Variants in DNMBP observed in about 807,000 individuals in gnomAD.
DNMBP encodes the protein dynamin binding protein.
Under a neutral mutation model 150.0 loss-of-function variants are expected in DNMBP, and 87 were observed. The ratio of observed to expected loss-of-function variants is 0.58; its 90% CI spans 0.49 to 0.69. The LOEUF (loss-of-function observed/expected upper bound fraction) is 0.69, where lower values mean the gene tolerates loss of function less well. Among genes scored for constraint, DNMBP ranks in the 30% least tolerant of loss-of-function variants. DNMBP has a pLI of 0.00. For missense variants in DNMBP, 1,774 were observed against 1,949.0 expected, an observed-to-expected ratio of 0.91 and a Z score of 1.69; for synonymous variants, 711 against 750.4, an observed-to-expected ratio of 0.95 and a Z score of 0.86.
In DNMBP at chr10:99,886,395, C is replaced by A; in HGVS notation, c.3523G>T (p.Ala1175Ser). The change falls in exon 13 of 17, where the codon GCC becomes TCC. Residue 1175 changes from alanine (A) to serine (S), a missense_variant. Ala to Ser is a moderately conservative substitution (Grantham distance 99, BLOSUM62 1). Around this residue, in one of 2 missense-constraint regions of DNMBP, gnomAD observed 1,430 missense variants for 1,492.5 expected, o/e 0.96. Coordinates refer to ENST00000324109, the MANE Select transcript of DNMBP (RefSeq NM_015221.4). ...ACACAGTTGGTGAAGAGGCCCTGGGCGTACTGGTGGAACTTGGGCAGCTCA... is the reference window on the plus strand; with the variant it reads ...ACACAGTTGGTGAAGAGGCCCTGGGAGTACTGGTGGAACTTGGGCAGCTCA... ...LDELPKFHQY[A>S]QGLFTNCVHG... The A allele has an allele frequency of 6.2e-7, 1 of 1,614,134 alleles. No individual in the cohort carries two copies.
intron 4 of DNMBP, among the ~76,000 whole-genome samples, chr10:99,943,300 A>AC (rs1409331143): frequency 2.0e-5 from 3 of 150,288 alleles, no homozygotes; most frequent in African/African-American, 7.3e-5. Context: ...AAAACCAACA[A>AC]AAAAAAAAAA....
rs373034777 is a variant in DNMBP at position 99,906,596 on chromosome 10, G to A, written c.2554+1399C>T. On this transcript the variant is annotated intron_variant, in intron 6 of 16. Transcript: ENST00000324109. ...CGTGCTCTCTCTCATTCTGTCTCTC[G>A]CTCTCTCTCACAGGTCACTCTAGGT... Among the ~76,000 whole-genome samples the A allele has an allele frequency of 1.4e-4, 22 of 152,122 alleles. No homozygotes were observed. The South Asian group carries it at 3.7e-3, about 26-fold the overall frequency.
At position 99,956,383 on chromosome 10, in the gene DNMBP, A is replaced by T. The variant is rs749677384; in HGVS notation, c.1091T>A (p.Leu364Gln). 36 of 1,613,952 alleles carry T rather than the reference A, an allele frequency of 2.2e-5. No individual in the cohort carries two copies. Among genetic ancestry groups the T allele is most frequent in the Non-Finnish European group, 3.0e-5 (35 of 1,180,026 alleles). Residue 364 changes from leucine to glutamine, a missense_variant, in exon 4 of 17, where the codon CTG becomes CAG. Coordinates refer to ENST00000324109, the MANE Select transcript of DNMBP (RefSeq NM_015221.4). ...TCTGTCTGTGTCATACTCTGAAGTC[A>T]GATGACCGAGGGGAGAAGTGGGTGC... ...SEAPTSPLGH[L>Q]TSEYDTDRNS...
intron 3 of DNMBP, among the ~76,000 whole-genome samples, chr10:99,963,833 G>C (rs2040589050): frequency 6.6e-6 from 1 of 151,268 alleles, no homozygotes; most frequent in Admixed American, 6.6e-5. Context: ...GGGGAACTAT[G>C]TGCTTTATGC....
chr10:99,971,947 G>A (rs1394535303), intron 2 of DNMBP, 33 bp downstream of exon 2: 4 of 1,596,466 alleles, frequency 2.5e-6, no homozygotes, highest in Admixed American at 1.8e-5. Flanking sequence ...AAAGAAGTCA[G>A]GGCCTGTGGT....
chr10:99,943,768 A>G (rs901354312), intron 4 of DNMBP, among the ~76,000 whole-genome samples: 2 of 152,220 alleles, frequency 1.3e-5, no homozygotes, highest in African/African-American at 4.8e-5. Context: ...GCTTCTGCAT[A>G]TAAAACAGTT....
rs372424226 is a variant in DNMBP, at chr10:99,886,583, C to T, written c.3335G>A (p.Ser1112Asn). Residue 1112 changes from serine (S) to asparagine (N), a missense_variant, in exon 13 of 17, where the codon AGC (serine) becomes AAC (asparagine). Physicochemically the swap from Ser to Asn is conservative, Grantham distance 46 (BLOSUM62 1). Transcript: ENST00000324109. ...CAGCTTATGGGGCCCTGTAAACATGCTCAGTAACTGATTTAAGGGGGAGAT... is the reference window on the plus strand; with the variant it reads ...CAGCTTATGGGGCCCTGTAAACATGTTCAGTAACTGATTTAAGGGGGAGAT... ...LVISPLNQLLSMFTGPHKLVQ... is the reference protein window; with the variant it reads ...LVISPLNQLLNMFTGPHKLVQ... The T allele has an allele frequency of 4.3e-6, 7 of 1,613,998 alleles. No individual in the cohort carries two copies. The highest frequency in any genetic ancestry group is 5.9e-6 in the Non-Finnish European group (7 of 1,180,018).
At chr10:99,994,384 T>C (rs2040929405) in intron 1 of DNMBP, among the ~76,000 whole-genome samples, 2 of 152,096 alleles carry the variant, frequency 1.3e-5, no homozygotes, top group African/African-American at 4.8e-5. Context: ...ATGAGAACAG[T>C]GATGACAATG....
intron 1 of DNMBP, among the ~76,000 whole-genome samples, chr10:100,007,465 G>A (rs990590636): frequency 3.3e-5 from 5 of 152,074 alleles, no homozygotes; most frequent in African/African-American, 1.2e-4. Context: ...CACCCTCTCA[G>A]CACACACAGG....
chr10:99,955,060 GAA>G (rs371096393), intron 4 of DNMBP, among the ~76,000 whole-genome samples, 152 bp downstream of exon 4: 2 of 128,338 alleles, frequency 1.6e-5, no homozygotes, highest in Admixed American at 1.5e-4. Flanking sequence ...CAAAAAAAAG[GAA>G]AAAAAAAAAA....
intron 1 of DNMBP, among the ~76,000 whole-genome samples, chr10:99,976,815 G>T (rs747110917): frequency 6.6e-6 from 1 of 150,586 alleles, no homozygotes; most frequent in African/African-American, 2.4e-5. Flanking sequence ...ATAATGTCCT[G>T]CAAACTTCTT....
chr10:99,938,081 T>C (rs2040253651), intron 4 of DNMBP, among the ~76,000 whole-genome samples: 1 of 152,232 alleles, frequency 6.6e-6, no homozygotes, highest in Admixed American at 6.5e-5. Context: ...ATGATCTTGC[T>C]TATTTCTAAT....
chr10:99,903,101 AT>A (rs35462310), intron 6 of DNMBP, among the ~76,000 whole-genome samples: 52,577 of 133,900 alleles, frequency 0.39, 9,125 homozygotes, highest in African/African-American at 0.41. Context: ...CACCTGGGCA[AT>A]TTTTTTTTTT....
chr10:99,899,637 CAA>C (rs10616990), intron 7 of DNMBP, among the ~76,000 whole-genome samples: 55,701 of 150,852 alleles, frequency 0.37, 10,652 homozygotes, highest in South Asian at 0.43. Flanking sequence ...GACTCCGTCT[CAA>C]AAAAAAAAAC....
At chr10:99,933,379 T>C (rs1174305044) in intron 4 of DNMBP, among the ~76,000 whole-genome samples, 5 of 152,356 alleles carry the variant, frequency 3.3e-5, no homozygotes, top group South Asian at 2.1e-4. Flanking sequence ...AGGTTCTAAG[T>C]TGTGTATGTT....
At chr10:99,983,284 C>T (rs2040797509) in intron 1 of DNMBP, among the ~76,000 whole-genome samples, 1 of 152,184 alleles carries the variant, frequency 6.6e-6, no homozygotes, top group Non-Finnish European at 1.5e-5. Context: ...AAAGCAACTG[C>T]ACATTTCTCT....
chr10:99,903,249 C>A (rs2039773099), intron 6 of DNMBP, among the ~76,000 whole-genome samples: 1 of 151,988 alleles, frequency 6.6e-6, no homozygotes, highest in South Asian at 2.1e-4. Flanking sequence ...CCAGAAGCTT[C>A]CCTTCTGTCT....
intron 4 of DNMBP, among the ~76,000 whole-genome samples, chr10:99,943,053 G>T (rs546504325): frequency 1.3e-5 from 2 of 152,140 alleles, no homozygotes; most frequent in African/African-American, 2.4e-5. Flanking sequence ...GAGGCTGAGG[G>T]GGGGGCGGAT....
At chr10:99,958,750 A>G (rs910051751) in intron 3 of DNMBP, among the ~76,000 whole-genome samples, 2 of 152,272 alleles carry the variant, frequency 1.3e-5, no homozygotes, top group Non-Finnish European at 2.9e-5. Context: ...AATTGAATCA[A>G]TATTTCCTAA....
Sources: allele counts gnomAD v4.1 joint callset (sites outside exome capture counted in the v4.1 genomes callset), GRCh38; gene constraint gnomAD v4.1.1; regional missense constraint gnomAD v4.1.1; transcripts MANE v1.5; gene names NCBI Gene and HGNC (gene_info 2026-07-23, HGNC 2026-07-21).